The following SNX29 variants were observed in gnomAD, a reference collection of about 807,000 sequenced individuals.
SNX29 encodes the protein sorting nexin 29.
Under a neutral mutation model 102.1 loss-of-function variants are expected in SNX29, and 78 were observed. That is an observed-to-expected ratio of 0.76 (90% CI 0.64 to 0.92). The LOEUF (loss-of-function observed/expected upper bound fraction) is 0.92. Among genes scored for constraint, SNX29 ranks in the 40% least tolerant of loss-of-function variants. The pLI, the probability that SNX29 is intolerant of heterozygous loss-of-function variation, is 0.00. For synonymous variants in SNX29, 580 were observed against 414.5 expected (o/e 1.40, Z -4.85); for missense variants, 1,280 against 1,061.7 (o/e 1.21, Z -2.86).
At chr16:12,462,016 TACACACACACACAC>T (rs375061825) in intron 18 of SNX29, among the ~76,000 whole-genome samples, 2 of 65,210 alleles carry the variant, frequency 3.1e-5, no homozygotes, top group Admixed American at 2.1e-4. Context: ...TATATATGTA[TACACACACACACAC>T]ACACACACAC....
At chr16:12,168,192 C>G (rs1225358551) in intron 13 of SNX29, among the ~76,000 whole-genome samples, 1 of 152,054 alleles carries the variant, frequency 6.6e-6, no homozygotes, top group Non-Finnish European at 1.5e-5. Flanking sequence ...ACACAGGCAG[C>G]GAGTGCTTGC....
At chr16:12,219,004 G>C (rs1164049326) in intron 14 of SNX29, among the ~76,000 whole-genome samples, 1 of 152,130 alleles carries the variant, frequency 6.6e-6, no homozygotes, top group Admixed American at 6.5e-5. Flanking sequence ...TCGATCTCCT[G>C]ACCTTGTGAT....
intron 19 of SNX29, among the ~76,000 whole-genome samples, chr16:12,510,774 G>A (rs1388964601): frequency 6.6e-6 from 1 of 151,996 alleles, no homozygotes; most frequent in Non-Finnish European, 1.5e-5. Context: ...TGGCTGCAAA[G>A]TCAAAAGCAA....
At chr16:12,301,544 G>A (rs2080173770) in intron 15 of SNX29, among the ~76,000 whole-genome samples, 3 of 152,242 alleles carry the variant, frequency 2.0e-5, no homozygotes, top group Admixed American at 2.0e-4. Flanking sequence ...GGTGCCTTCT[G>A]TCTGACTAAT....
intron 16 of SNX29, among the ~76,000 whole-genome samples, chr16:12,392,840 C>T (rs1191847940): frequency 4.6e-5 from 7 of 152,032 alleles, no homozygotes; most frequent in East Asian, 1.9e-4. Flanking sequence ...AACAGAGAAC[C>T]CTGAAAGTGC....
chr16:12,250,059 G>A (rs1412465753), intron 14 of SNX29, among the ~76,000 whole-genome samples: 2 of 152,168 alleles, frequency 1.3e-5, no homozygotes, highest in Non-Finnish European at 2.9e-5. Context: ...GCCCAGAGCA[G>A]GAGCCCATCA....
At chr16:12,144,626 C>T (rs935813043) in intron 13 of SNX29, among the ~76,000 whole-genome samples, 1 of 152,236 alleles carries the variant, frequency 6.6e-6, no homozygotes, top group African/African-American at 2.4e-5. Flanking sequence ...TCCCAGCTTC[C>T]AGAACTGTGA....
intron 16 of SNX29, among the ~76,000 whole-genome samples, chr16:12,359,905 C>T (rs1437374822): frequency 6.6e-6 from 1 of 152,158 alleles, no homozygotes; most frequent in Non-Finnish European, 1.5e-5. Context: ...CTCAATGCAA[C>T]CTCCGCCTCC....
intron 18 of SNX29, among the ~76,000 whole-genome samples, chr16:12,445,409 A>G (rs2086005422): frequency 6.6e-6 from 1 of 152,016 alleles, no homozygotes; most frequent in Admixed American, 6.6e-5. Context: ...CATTCTGTAC[A>G]CTGAGCAACT....
Position 12,259,546 on chromosome 16 carries a change from G to A in SNX29, c.1679-18387G>A, listed in dbSNP as rs189009144. 2.8e-4 allele frequency among the ~76,000 whole-genome samples: 43 copies of A among 152,294 alleles called. No individual in the cohort carries two copies. In the East Asian group the frequency reaches 7.9e-3, roughly 28 times the overall value. On this transcript the variant is annotated intron_variant, in intron 14 of 20. Transcript: ENST00000566228. ...GCTGTGGCGCAGAGGACTGAGGAGC[G>A]GATTGAAGCCAGCCCAGGGTCACGT...
rs1471900280 is a variant in SNX29 at position 12,096,268 on chromosome 16, A to G, written c.1402+17353A>G. On this transcript the variant is annotated intron_variant, in intron 11 of 20. Transcript: ENST00000566228. The surrounding 1 kb of genome is among the most constrained non-coding windows in gnomAD (Gnocchi z 4.2). ...CTGTCTTAGTGTCTTAGTAATTGGAAGGTTCCAGATGGCATTTAGACATGC... is the reference window on the plus strand; with the variant it reads ...CTGTCTTAGTGTCTTAGTAATTGGAGGGTTCCAGATGGCATTTAGACATGC... 6.6e-6 allele frequency among the ~76,000 whole-genome samples: 1 copy of G among 152,212 alleles called. No individual in the cohort carries two copies. Among genetic ancestry groups the G allele is most frequent in the Non-Finnish European group, 1.5e-5 (1 of 68,044 alleles).
At chr16:12,532,608 T>TG (rs142764682) in intron 20 of SNX29, among the ~76,000 whole-genome samples, 3,127 of 152,316 alleles carry the variant, frequency 0.021, 114 homozygotes, top group African/African-American at 0.07. Context: ...CTGAGGTATT[T>TG]GGAAACACTC....
intron 11 of SNX29, among the ~76,000 whole-genome samples, chr16:12,103,413 G>C (rs558635227): frequency 6.6e-6 from 1 of 152,166 alleles, no homozygotes; most frequent in East Asian, 1.9e-4. Context: ...AATGATCTTT[G>C]ACAAACCTGA....
intron 17 of SNX29, among the ~76,000 whole-genome samples, chr16:12,400,894 C>T (rs565004551): frequency 6.6e-6 from 1 of 152,320 alleles, no homozygotes; most frequent in African/African-American, 2.4e-5. Context: ...ACTATCTCTG[C>T]TCACTGCAAG....
chr16:12,495,604 G>A (rs1428338069), intron 19 of SNX29, among the ~76,000 whole-genome samples: 5 of 152,218 alleles, frequency 3.3e-5, no homozygotes, highest in African/African-American at 1.2e-4. Flanking sequence ...CATGGTAAGT[G>A]TGTTTGTGTG....
intron 14 of SNX29, among the ~76,000 whole-genome samples, chr16:12,259,276 C>T (rs979541079): frequency 3.3e-5 from 5 of 152,322 alleles, no homozygotes; most frequent in Non-Finnish European, 5.9e-5. Flanking sequence ...ACATGGGAAT[C>T]GTTTAAAATA....
intron 14 of SNX29, among the ~76,000 whole-genome samples, chr16:12,272,397 G>T (rs1359193675): frequency 1.3e-5 from 2 of 152,232 alleles, no homozygotes; most frequent in Admixed American, 6.5e-5. Context: ...GGAGTCACGG[G>T]TAGAGCAGGG....
At chr16:12,510,762 G>C (rs903827405) in intron 19 of SNX29, among the ~76,000 whole-genome samples, 3 of 151,898 alleles carry the variant, frequency 2.0e-5, no homozygotes, top group Non-Finnish European at 4.4e-5. Context: ...TGCAGTTTGC[G>C]TTGGCTGCAA....
chr16:12,028,782 C>G (rs11075042), intron 4 of SNX29, among the ~76,000 whole-genome samples: 1 of 151,580 alleles, frequency 6.6e-6, no homozygotes, highest in Non-Finnish European at 1.5e-5. Context: ...GAGTCTTGCT[C>G]TTGTCGCCCA....
Sources: gnomAD v4.1 joint callset for allele counts (sites outside exome capture counted in the v4.1 genomes callset) on GRCh38, gnomAD v4.1.1 for gene constraint, Gnocchi (gnomAD v3.1) non-coding constraint, MANE v1.5 for transcripts, NCBI Gene and HGNC (gene_info 2026-07-23, HGNC 2026-07-21) for gene names.